The following CAMTA1 variants were observed in gnomAD, a reference collection of about 807,000 sequenced individuals.
CAMTA1 encodes calmodulin-binding transcription activator 1.
In CAMTA1, 27 loss-of-function variants were observed where a neutral mutation model predicts 170.9. The observed-to-expected ratio is 0.16, with a 90% CI of 0.12 to 0.22. The LOEUF (loss-of-function observed/expected upper bound fraction) is 0.22, where lower values mean the gene tolerates loss of function less well. Ranked by LOEUF, CAMTA1 falls within the 10% of genes least tolerant of loss-of-function variation. CAMTA1 has a pLI of 1.00. For synonymous variants in CAMTA1, 833 were observed against 891.5 expected (o/e 0.93, Z 1.17); for missense variants, 1,619 against 2,217.2 (o/e 0.73, Z 5.42).
intron 5 of CAMTA1, among the ~76,000 whole-genome samples, chr1:7,427,756 C>T (rs768283436): frequency 4.6e-5 from 7 of 152,334 alleles, no homozygotes; most frequent in South Asian, 4.1e-4. Context: ...ATTCTGCCGC[C>T]CAGGGACGAG....
intron 4 of CAMTA1, among the ~76,000 whole-genome samples, chr1:7,097,427 C>T (rs1172163716): frequency 6.6e-6 from 1 of 152,210 alleles, no homozygotes; most frequent in African/African-American, 2.4e-5. Flanking sequence ...GGCATGGTGC[C>T]AGCCTATGAG....
At chr1:6,960,954 CAG>C (rs1690294478) in intron 3 of CAMTA1, among the ~76,000 whole-genome samples, 2 of 152,234 alleles carry the variant, frequency 1.3e-5, no homozygotes, top group African/African-American at 4.8e-5. Flanking sequence ...CACTGAGGCT[CAG>C]AGAGGTTGTG....
At chr1:7,698,039 C>T (rs1340108436) in intron 11 of CAMTA1, among the ~76,000 whole-genome samples, 2 of 150,672 alleles carry the variant, frequency 1.3e-5, no homozygotes, top group Non-Finnish European at 1.5e-5. Flanking sequence ...CATAGGGGCA[C>T]CTGCTCTGTC....
intron 3 of CAMTA1, among the ~76,000 whole-genome samples, chr1:6,940,959 T>TCA (rs1287766099): frequency 7.9e-3 from 2 of 254 alleles, no homozygotes; most frequent in Non-Finnish European, 0.015. Context: ...GGGGGGATCC[T>TCA]TGCAAGGTGG....
At chr1:7,289,907 A>C (rs1255662241) in intron 5 of CAMTA1, among the ~76,000 whole-genome samples, 1 of 152,120 alleles carries the variant, frequency 6.6e-6, no homozygotes, top group South Asian at 2.1e-4. Flanking sequence ...AATCTTGACC[A>C]AGCCTTCAGA....
rs770974139 is a variant in CAMTA1 at position 6,965,883 on chromosome 1, G to A, written c.235-125421G>A. On this transcript the variant is annotated intron_variant, in intron 3 of 22. Transcript: ENST00000303635. The surrounding 1 kb of genome is among the most constrained non-coding windows in gnomAD (Gnocchi z 4.1). ...ATTTATTGCAAGCTCGATGCCGCAC[G>A]TCTGGCATTAGTTACTGCTTGTTGT... 3.9e-4 allele frequency among the ~76,000 whole-genome samples: 59 copies of A among 152,242 alleles called. No individual in the cohort carries two copies. The highest frequency in any genetic ancestry group is 5.3e-4 in the African/African-American group (22 of 41,530).
chr1:7,566,893 C>T (rs996586832), intron 6 of CAMTA1, among the ~76,000 whole-genome samples: 1 of 152,222 alleles, frequency 6.6e-6, no homozygotes, highest in Non-Finnish European at 1.5e-5. Context: ...TGTGCCCACA[C>T]GGACACAGTC....
chr1:6,975,754 A>ACCCCAAAC (rs918940824), intron 3 of CAMTA1, among the ~76,000 whole-genome samples: 12 of 152,230 alleles, frequency 7.9e-5, no homozygotes, highest in Non-Finnish European at 1.3e-4. Context: ...CAATTTTAAA[A>ACCCCAAAC]CATTTTAATC....
chr1:6,962,073 C>G (rs1690521836), intron 3 of CAMTA1, among the ~76,000 whole-genome samples: 1 of 152,098 alleles, frequency 6.6e-6, no homozygotes, highest in Admixed American at 6.5e-5. Flanking sequence ...GTGTCCGTGG[C>G]GCGCAAGAGC....
At chr1:7,310,726 CTTTCTTTCTTTCTTTCTTTTT>C (rs1676574691) in intron 5 of CAMTA1, among the ~76,000 whole-genome samples, 1 of 83,524 alleles carries the variant, frequency 1.2e-5, no homozygotes, top group Admixed American at 1.5e-4. Context: ...TTCTTTCTTT[CTTTCTTTCTTTCTTTCTTTTT>C]TTTAAGACAG....
chr1:7,608,543 C>T (rs2095502389), intron 6 of CAMTA1, among the ~76,000 whole-genome samples: 1 of 152,140 alleles, frequency 6.6e-6, no homozygotes, highest in South Asian at 2.1e-4. Context: ...TCACTGTCCC[C>T]AGCCCAGGGA....
At chr1:6,863,194 A>T (rs1665397335) in intron 3 of CAMTA1, among the ~76,000 whole-genome samples, 1 of 152,186 alleles carries the variant, frequency 6.6e-6, no homozygotes. Context: ...TCTGCTTATT[A>T]ATTTGCTTAG....
intron 1 of CAMTA1, among the ~76,000 whole-genome samples, chr1:6,809,408 C>T (rs1371689799): frequency 6.6e-6 from 1 of 152,090 alleles, no homozygotes; most frequent in African/African-American, 2.4e-5. Context: ...GGTCAAAGAT[C>T]AGGGAGTCCT....
At chr1:7,316,430 G>T (rs754312984) in intron 5 of CAMTA1, among the ~76,000 whole-genome samples, 2 of 152,206 alleles carry the variant, frequency 1.3e-5, no homozygotes, top group African/African-American at 2.4e-5. Flanking sequence ...ACTTGGTATG[G>T]ATCCTTTAAA....
At position 7,578,138 on chromosome 1, in the gene CAMTA1, A is replaced by G. The variant is rs144997503; in HGVS notation, c.511-62262A>G. ...GCCCTGATTTCCGAGAGGACCTGGG[A>G]ACTTTTTTTTCTCCCTACACACCCC... On this transcript the variant is annotated intron_variant, in intron 6 of 22. Transcript: ENST00000303635. 1.0e-3 allele frequency among the ~76,000 whole-genome samples: 155 copies of G among 152,192 alleles called. 1 individual carries two copies. Among genetic ancestry groups the G allele is most frequent in the Non-Finnish European group, 1.4e-3 (97 of 68,004 alleles).
At chr1:7,718,614 T>C (rs2096628826) in intron 11 of CAMTA1, among the ~76,000 whole-genome samples, 1 of 149,948 alleles carries the variant, frequency 6.7e-6, no homozygotes, top group African/African-American at 2.5e-5. Flanking sequence ...TGGAGTGCAG[T>C]GGTGCCATCT....
At chr1:7,750,949 G>A in intron 19 of CAMTA1, 1 of 637,536 alleles carries the variant, frequency 1.6e-6, no homozygotes, top group Non-Finnish European at 2.9e-6. Context: ...CTCCAAGAAG[G>A]GCAAGATATT....
chr1:6,849,391 AG>A (rs1659538511), intron 3 of CAMTA1, among the ~76,000 whole-genome samples: 1 of 152,086 alleles, frequency 6.6e-6, no homozygotes. Context: ...GGAGAATGAG[AG>A]AAGAAAGAGC....
Position 6,879,824 on chromosome 1 carries a change from T to G in CAMTA1, c.234+54614T>G, listed in dbSNP as rs191980656. ...TTTTTTTGGCTTTGTAGAGACGGAG[T>G]CTCTGTTGCCCAGGCTGATCTCGAA... On this transcript the variant is annotated intron_variant, in intron 3 of 22. Transcript: ENST00000303635. Among the ~76,000 whole-genome samples the G allele has an allele frequency of 8.6e-4, 124 of 144,232 alleles. 1 individual carries two copies. The highest frequency in any genetic ancestry group is 3.2e-3 in the African/African-American group (121 of 38,412). 94.6% of individuals were successfully genotyped at this position (144,232 alleles called of 152,430 possible). A position where few individuals can be genotyped will look rare whatever the true frequency, so the allele number is the denominator to read the frequency against.
Sources: allele counts gnomAD v4.1 joint callset (sites outside exome capture counted in the v4.1 genomes callset), GRCh38; gene constraint gnomAD v4.1.1; non-coding constraint Gnocchi (gnomAD v3.1); transcripts MANE v1.5; gene names NCBI Gene and HGNC (gene_info 2026-07-23, HGNC 2026-07-21).